Variants in ANKRD30A observed in about 807,000 individuals in gnomAD.
ANKRD30A encodes ankyrin repeat domain-containing protein 30A.
Under a neutral mutation model 166.3 loss-of-function variants are expected in ANKRD30A, and 170 were observed. The ratio of observed to expected loss-of-function variants is 1.02; its 90% CI spans 0.90 to 1.16. The LOEUF is 1.16. Among genes scored for constraint, ANKRD30A ranks in the 50% most tolerant of loss-of-function variants. The pLI is 0.00. For missense variants in ANKRD30A, 1,630 were observed against 1,518.0 expected (o/e 1.07, Z -1.23); for synonymous variants, 564 against 508.9 (o/e 1.11, Z -1.46).
chr10:37,218,743 ACT>A (rs1842726965), intron 33 of ANKRD30A, among the ~76,000 whole-genome samples: 1 of 148,188 alleles, frequency 6.7e-6, no homozygotes, highest in East Asian at 2.0e-4. Flanking sequence ...GTTCTTAAAA[ACT>A]CTCTAGTCAT....
chr10:37,190,276 G>A (rs1019423058), intron 25 of ANKRD30A, among the ~76,000 whole-genome samples: 1 of 151,874 alleles, frequency 6.6e-6, no homozygotes, highest in South Asian at 2.1e-4. Context: ...CTCAGGTGAT[G>A]CTGATGCTGG....
At chr10:37,167,302 A>T (rs1839432553) in intron 19 of ANKRD30A, among the ~76,000 whole-genome samples, 1 of 143,300 alleles carries the variant, frequency 7.0e-6, no homozygotes, top group Non-Finnish European at 1.5e-5. Context: ...ATATATATAT[A>T]GATGTGTGCA....
intron 15 of ANKRD30A, among the ~76,000 whole-genome samples, chr10:37,160,030 A>G (rs552974699): frequency 2.0e-5 from 3 of 152,312 alleles, no homozygotes; most frequent in South Asian, 2.1e-4. Context: ...ATGGTTGTAC[A>G]CTGTACATAT....
At chr10:37,194,497 C>G (rs1277973453) in intron 27 of ANKRD30A, among the ~76,000 whole-genome samples, 1 of 151,902 alleles carries the variant, frequency 6.6e-6, no homozygotes, top group Non-Finnish European at 1.5e-5. Flanking sequence ...CGTGCCACCA[C>G]GCCTGGCTAA....
In ANKRD30A at chr10:37,132,297, T is replaced by A; in HGVS notation, c.568T>A (p.Phe190Ile). 6.2e-7 allele frequency: 1 copy of A among 1,606,596 alleles called. No individual in the cohort carries two copies. The highest frequency in any genetic ancestry group is 2.2e-5 in the East Asian group (1 of 44,664). ...ITKRSEQIVE[F>I]LLIKNANANA... ...GAAAAGAAGTGAGCAAATTGTGGAA[T>A]TTTTGCTGATAAAAAATGCAAATGC... is the stretch of plus-strand genomic sequence containing the variant. The change falls in exon 4 of 36, where the codon TTT becomes ATT. Residue 190 changes from phenylalanine (F) to isoleucine (I), a missense_variant. Physicochemically the swap from Phe to Ile is conservative, Grantham distance 21. This residue lies in a region of ANKRD30A where 904 missense variants were observed against 818.5 expected (regional missense o/e 1.10). Coordinates refer to ENST00000361713, the MANE Select transcript of ANKRD30A (RefSeq NM_052997.3).
chr10:37,161,552 CTG>C (rs760871472), intron 15 of ANKRD30A, among the ~76,000 whole-genome samples: 16 of 152,072 alleles, frequency 1.1e-4, no homozygotes, highest in Admixed American at 3.3e-4. Context: ...TCTGGAGACT[CTG>C]AGAAGAACAG....
At chr10:37,246,478 C>T in the ANKRD30A span, among the ~76,000 whole-genome samples, 1 of 152,214 alleles carries the variant, frequency 6.6e-6, no homozygotes, top group Non-Finnish European at 1.5e-5. Flanking sequence ...AATACTTTAA[C>T]TCCATGTACA....
downstream of ANKRD30A, among the ~76,000 whole-genome samples, chr10:37,233,281 G>C (rs1289643066): frequency 6.6e-6 from 1 of 152,068 alleles, no homozygotes; most frequent in Non-Finnish European, 1.5e-5. Flanking sequence ...GAAAAAGAGT[G>C]ATATGGTCAG....
At chr10:37,207,497 T>C (rs1337348154) in intron 31 of ANKRD30A, among the ~76,000 whole-genome samples, 2 of 152,104 alleles carry the variant, frequency 1.3e-5, no homozygotes, top group Non-Finnish European at 2.9e-5. Context: ...TTAAACTCAA[T>C]GTTTTTGTTT....
At chr10:37,197,170 T>G (rs567564891) in intron 27 of ANKRD30A, 111 bp from the exon 28 acceptor site, 1 of 1,433,896 alleles carries the variant, frequency 7.0e-7, no homozygotes, top group African/African-American at 1.4e-5. Context: ...TCTAAAGTAT[T>G]CATTCTCCAA....
chr10:37,207,194 A>G (rs1361676267), intron 31 of ANKRD30A, among the ~76,000 whole-genome samples: 1 of 152,150 alleles, frequency 6.6e-6, no homozygotes, highest in African/African-American at 2.4e-5. Context: ...TAAATTCATT[A>G]TACTTTCGTT....
At position 37,153,664 on chromosome 10, in the gene ANKRD30A, T is replaced by C; in HGVS notation, c.1798+2T>C. 1 of 1,610,864 alleles carries C rather than the reference T, an allele frequency of 6.2e-7. No homozygotes were observed. The highest frequency in any genetic ancestry group is 8.5e-7 in the Non-Finnish European group (1 of 1,179,238). ...ATAAAATAAATGGAAAATTAGAAGG[T>C]AAGAACCGTTTTTTATTTAAAAATC... On this transcript the variant is annotated splice_donor_variant, in intron 13 of 35. Transcript: ENST00000361713. LOFTEE classifies it high-confidence loss of function.
intron 34 of ANKRD30A, among the ~76,000 whole-genome samples, chr10:37,229,800 G>T (rs939201512): frequency 6.6e-6 from 1 of 151,526 alleles, no homozygotes; most frequent in Non-Finnish European, 1.5e-5. Flanking sequence ...ATTTTTGTGG[G>T]TACACAGTAG....
chr10:37,217,478 A>G (rs960261147), intron 32 of ANKRD30A, among the ~76,000 whole-genome samples: 3 of 150,908 alleles, frequency 2.0e-5, no homozygotes, highest in African/African-American at 4.8e-5. Flanking sequence ...AGTAGCAGAA[A>G]CTTTCTAACT....
At chr10:37,196,093 A>ATTTTTT (rs749036981) in intron 27 of ANKRD30A, among the ~76,000 whole-genome samples, 21 of 129,440 alleles carry the variant, frequency 1.6e-4, no homozygotes, top group Non-Finnish European at 2.7e-4. Context: ...TATATTTTCT[A>ATTTTTT]TTTTTTTTTT....
chr10:37,161,306 C>A (rs1206102669), intron 15 of ANKRD30A, among the ~76,000 whole-genome samples: 2 of 151,386 alleles, frequency 1.3e-5, no homozygotes, highest in East Asian at 1.9e-4. Flanking sequence ...ATGCTTTTAG[C>A]CAGAGAAGAA....
At chr10:37,234,847 A>G (rs772102562), downstream of ANKRD30A, among the ~76,000 whole-genome samples, 7 of 152,214 alleles carry the variant, frequency 4.6e-5, no homozygotes, top group Admixed American at 2.0e-4. Context: ...AACTTTTTAC[A>G]TGGTGGAACA....
Position 37,197,212 on chromosome 10 carries a change from A to T in ANKRD30A, c.2615-69A>T, listed in dbSNP as rs569368934. On this transcript the variant is annotated intron_variant, in intron 27 of 35. Coordinates refer to ENST00000361713, the MANE Select transcript of ANKRD30A (RefSeq NM_052997.3). The stretch of plus-strand genomic sequence containing the variant: ...CAAGAGGAGTCAGTTAGATACTATC[A>T]CGGCATTCATTTGTGGCTGGCTTGT... The T allele has an allele frequency of 1.8e-5, 29 of 1,589,092 alleles. No individual in the cohort carries two copies. The South Asian group carries it at 3.2e-4, about 18-fold the overall frequency.
At chr10:37,132,118 G>T (rs563963377) in intron 3 of ANKRD30A, 122 bp from the exon 4 acceptor site, 1 of 578,720 alleles carries the variant, frequency 1.7e-6, no homozygotes, top group African/African-American at 1.9e-5. Context: ...GAGAAAGAAG[G>T]GACTGCTATT....
Sources: allele counts gnomAD v4.1 joint callset (sites outside exome capture counted in the v4.1 genomes callset), GRCh38; gene constraint gnomAD v4.1.1; regional missense constraint gnomAD v4.1.1; transcripts MANE v1.5; gene names NCBI Gene and HGNC (gene_info 2026-07-23, HGNC 2026-07-21).